Variants in MARK3 observed in about 807,000 individuals in gnomAD.
The protein encoded by MARK3 is microtubule affinity regulating kinase 3, also known as MAP/microtubule affinity-regulating kinase 3.
A neutral mutation model predicts 90.1 loss-of-function variants in MARK3; 46 were observed. The ratio of observed to expected loss-of-function variants is 0.51; its 90% CI spans 0.40 to 0.65. The LOEUF is 0.65. Ranked by LOEUF, MARK3 falls within the 30% of genes least tolerant of loss-of-function variation. The pLI is 0.00. For synonymous variants in MARK3, 321 were observed against 332.6 expected (o/e 0.97, Z 0.38); for missense variants, 818 against 947.2 (o/e 0.86, Z 1.79).
chr14:103,478,625 C>T (rs1243816463), intron 13 of MARK3, among the ~76,000 whole-genome samples: 2 of 134,162 alleles, frequency 1.5e-5, no homozygotes, highest in Non-Finnish European at 3.2e-5. Flanking sequence ...CTGCAAACTC[C>T]ACCTCCCGGG....
intron 1 of MARK3, among the ~76,000 whole-genome samples, chr14:103,403,348 GT>G (rs2091084196): frequency 6.7e-6 from 1 of 149,400 alleles, no homozygotes; most frequent in Non-Finnish European, 1.5e-5. Flanking sequence ...GTGTGTGTGT[GT>G]GTGTGTGTGT....
intron 13 of MARK3, 30 bp from the exon 14 acceptor site, chr14:103,480,357 A>G (rs754807525): frequency 9.0e-6 from 12 of 1,340,188 alleles, no homozygotes; most frequent in South Asian, 1.2e-5. Context: ...TTACCAAATA[A>G]ATTTAAGACA....
chr14:103,476,902 C>T (rs2093724399), intron 13 of MARK3, among the ~76,000 whole-genome samples: 2 of 152,178 alleles, frequency 1.3e-5, no homozygotes. Context: ...TTCCATACTC[C>T]TGCAGTTAAA....
At chr14:103,416,516 A>C (rs2091949478) in intron 2 of MARK3, among the ~76,000 whole-genome samples, 1 of 152,220 alleles carries the variant, frequency 6.6e-6, no homozygotes, top group South Asian at 2.1e-4. Context: ...CACGCCTGTA[A>C]TCCCTGCACT....
intron 1 of MARK3, among the ~76,000 whole-genome samples, chr14:103,392,118 C>T (rs2090294240): frequency 6.6e-6 from 1 of 152,108 alleles, no homozygotes; most frequent in Admixed American, 6.6e-5. Context: ...AAATAGTCCC[C>T]CAAATTTCTG....
intron 14 of MARK3, among the ~76,000 whole-genome samples, chr14:103,483,162 TG>T (rs1440195979): frequency 1.3e-5 from 2 of 152,232 alleles, no homozygotes; most frequent in Non-Finnish European, 2.9e-5. Flanking sequence ...TTCGGCAAAT[TG>T]TTCCTTTTCC....
chr14:103,477,552 T>G (rs2093736089), intron 13 of MARK3, among the ~76,000 whole-genome samples: 1 of 152,172 alleles, frequency 6.6e-6, no homozygotes, highest in South Asian at 2.1e-4. Context: ...TTTTTTGTTT[T>G]GGAAGTTAAA....
At position 103,448,978 on chromosome 14, in the gene MARK3, CT is replaced by C; in HGVS notation, c.346+17del. Reference sequence around the variant, plus strand: ...ATCATCCCAATATAGGTACTTTCTGCTTTTTTAAATATTTTGGGGTCTAAAT... The same window carrying C: ...ATCATCCCAATATAGGTACTTTCTGCTTTTTAAATATTTTGGGGTCTAAAT... On this transcript the variant is annotated intron_variant, in intron 4 of 17. Transcript: ENST00000429436. 6.4e-7 allele frequency: 1 copy of C among 1,560,390 alleles called. No homozygotes were observed. The highest frequency in any genetic ancestry group is 8.7e-7 in the Non-Finnish European group (1 of 1,147,952).
chr14:103,460,109 CAA>C (rs2093369340), intron 6 of MARK3, among the ~76,000 whole-genome samples: 1 of 25,210 alleles, frequency 4.0e-5, no homozygotes, highest in Non-Finnish European at 6.7e-5. Context: ...TTTTTTGAGA[CAA>C]ATCTCGCTTT....
At chr14:103,389,807 G>A (rs984399280) in intron 1 of MARK3, among the ~76,000 whole-genome samples, 6 of 151,678 alleles carry the variant, frequency 4.0e-5, no homozygotes, top group Non-Finnish European at 8.8e-5. Context: ...AGCCGGGTGC[G>A]GTGGCGGGCA....
At chr14:103,428,355 T>TA (rs774684404) in intron 2 of MARK3, 32 bp from the exon 3 acceptor site, 2 of 1,209,370 alleles carry the variant, frequency 1.7e-6, no homozygotes, top group African/African-American at 3.1e-5. Flanking sequence ...ACTAAATTCT[T>TA]AAAATCCATA....
intron 2 of MARK3, among the ~76,000 whole-genome samples, chr14:103,425,248 T>A (rs892233502): frequency 3.5e-4 from 38 of 109,244 alleles, no homozygotes; most frequent in East Asian, 7.9e-4. Context: ...CCTATTTATT[T>A]ATTATTTATT....
intron 12 of MARK3, 126 bp from the exon 13 acceptor site, chr14:103,474,867 G>T: frequency 1.5e-6 from 1 of 675,198 alleles, no homozygotes; most frequent in South Asian, 1.9e-5. Context: ...CATCTTAGAG[G>T]ATTTTACTGT....
At chr14:103,446,335 G>A (rs2092993793) in intron 3 of MARK3, among the ~76,000 whole-genome samples, 1 of 152,128 alleles carries the variant, frequency 6.6e-6, no homozygotes, top group Non-Finnish European at 1.5e-5. Context: ...AGACCAGCCT[G>A]GCCAACGTGG....
At chr14:103,460,617 A>C (rs925010441) in intron 6 of MARK3, among the ~76,000 whole-genome samples, 7 of 152,328 alleles carry the variant, frequency 4.6e-5, no homozygotes, top group South Asian at 2.1e-4. Context: ...TTTTGGAGCT[A>C]AAGAGAGAGA....
chr14:103,491,913 G>A lies in MARK3; in HGVS notation c.1723G>A (p.Ala575Thr), dbSNP rs767907025. 7 of 1,613,920 alleles carry A rather than the reference G, an allele frequency of 4.3e-6. No individual in the cohort carries two copies. The highest frequency in any genetic ancestry group is 1.1e-5 in the South Asian group (1 of 91,080). The change falls in exon 15 of 18, where the codon GCA becomes ACA. Residue 575 changes from alanine to threonine, a missense_variant. Physicochemically the swap from Ala to Thr is moderately conservative, Grantham distance 58. Around this residue, in one of 3 missense-constraint regions of MARK3, gnomAD observed 560 missense variants for 613.5 expected, o/e 0.91. Transcript: ENST00000429436. ...FHGQPRERRTATYNGPPASPS... is the reference protein window; with the variant it reads ...FHGQPRERRTTTYNGPPASPS... The stretch of plus-strand genomic sequence containing the variant: ...CGGCCAGCCCCGGGAACGGCGAACC[G>A]CAACATATAATGGCCCTCCTGCCTC...
intron 3 of MARK3, among the ~76,000 whole-genome samples, chr14:103,447,264 A>C (rs951732264): frequency 1.3e-5 from 2 of 152,144 alleles, no homozygotes; most frequent in Non-Finnish European, 2.9e-5. Context: ...ACACCACTGC[A>C]CTTCAACCTG....
chr14:103,399,293 G>A (rs575320902), intron 1 of MARK3, among the ~76,000 whole-genome samples: 37 of 152,288 alleles, frequency 2.4e-4, no homozygotes, highest in Non-Finnish European at 4.4e-4. Context: ...ACAAAATGGA[G>A]CACATTCCCA....
intron 3 of MARK3, among the ~76,000 whole-genome samples, chr14:103,447,023 A>T (rs911622617): frequency 6.6e-6 from 1 of 152,134 alleles, no homozygotes; most frequent in Non-Finnish European, 1.5e-5. Context: ...GCAAAGGGAG[A>T]TGTTTATGTT....
Sources: gnomAD v4.1 joint callset for allele counts (sites outside exome capture counted in the v4.1 genomes callset) on GRCh38, gnomAD v4.1.1 for gene constraint, gnomAD v4.1.1 regional missense constraint, MANE v1.5 for transcripts, NCBI Gene and HGNC (gene_info 2026-07-23, HGNC 2026-07-21) for gene names.